DLEC1: variants seen among roughly 807,000 people sequenced by gnomAD.
DLEC1 encodes deleted in lung and esophageal cancer protein 1.
A neutral mutation model predicts 198.1 loss-of-function variants in DLEC1; 146 were observed. That is an observed-to-expected ratio of 0.74 (90% confidence interval 0.64 to 0.85). DLEC1 has a LOEUF of 0.85. Among genes scored for constraint, DLEC1 ranks in the 40% least tolerant of loss-of-function variants. The pLI is 0.00. For missense variants in DLEC1, 2,233 were observed against 2,220.0 expected, an observed-to-expected ratio of 1.01 and a Z score of -0.12; for synonymous variants, 897 against 866.8, an observed-to-expected ratio of 1.03 and a Z score of -0.61.
chr3:38,112,142 C>T lies in DLEC1; in HGVS notation c.3515-68C>T. ...TATCGGGGACAGTGCTTTGCTCACA[C>T]ACGAGGGTTTGGACCTCACTCCCAA... On this transcript the variant is annotated intron_variant, in intron 24 of 36. Coordinates refer to ENST00000308059, the MANE Select transcript of DLEC1 (RefSeq NM_007335.4). The surrounding 1 kb of genome is among the most constrained non-coding windows in gnomAD (Gnocchi z 4.8). The T allele has an allele frequency of 3.7e-6, 6 of 1,601,662 alleles. No individual in the cohort carries two copies. In the South Asian group the frequency reaches 6.7e-5, roughly 18 times the overall value.
At chr3:38,059,128 C>T (rs562644314) in intron 2 of DLEC1, among the ~76,000 whole-genome samples, 12 of 152,140 alleles carry the variant, frequency 7.9e-5, no homozygotes, top group South Asian at 2.1e-4. Flanking sequence ...GGGAATTGGC[C>T]GAGCTGGCTG....
intron 6 of DLEC1, among the ~76,000 whole-genome samples, chr3:38,075,186 G>A (rs550976058): frequency 3.0e-4 from 46 of 152,184 alleles, no homozygotes; most frequent in South Asian, 2.9e-3. Context: ...GGGGGCAGGC[G>A]GGAAGGAAAG....
intron 2 of DLEC1, among the ~76,000 whole-genome samples, chr3:38,057,173 G>A (rs1014638694): frequency 2.0e-5 from 3 of 152,248 alleles, no homozygotes; most frequent in Non-Finnish European, 4.4e-5. Flanking sequence ...ATGCTAAAAA[G>A]CAGTAAGAAT....
At chr3:38,071,451 G>A (rs1364131467) in intron 6 of DLEC1, among the ~76,000 whole-genome samples, 2 of 152,196 alleles carry the variant, frequency 1.3e-5, no homozygotes, top group African/African-American at 2.4e-5. Flanking sequence ...ATGAAATGAC[G>A]ACAGAATAGA....
At chr3:38,093,393 T>C (rs1698840483) in intron 11 of DLEC1, among the ~76,000 whole-genome samples, 1 of 152,030 alleles carries the variant, frequency 6.6e-6, no homozygotes, top group Admixed American at 6.5e-5. Context: ...GTCTGCTATA[T>C]GCTAGGTTCT....
intron 1 of DLEC1, among the ~76,000 whole-genome samples, chr3:38,043,688 TAC>T (rs1391496277): frequency 6.6e-6 from 1 of 152,170 alleles, no homozygotes; most frequent in Non-Finnish European, 1.5e-5. Flanking sequence ...AAATGGTAAT[TAC>T]ACAATAAATC....
chr3:38,115,872 G>C (rs543969072), intron 27 of DLEC1, among the ~76,000 whole-genome samples: 36 of 152,170 alleles, frequency 2.4e-4, no homozygotes, highest in Middle Eastern at 6.8e-3. Context: ...CCCAGCTTAG[G>C]TTGGGGACAG....
chr3:38,099,638 G>A (rs1019088989), intron 18 of DLEC1, among the ~76,000 whole-genome samples: 2 of 152,184 alleles, frequency 1.3e-5, no homozygotes, highest in Non-Finnish European at 2.9e-5. Context: ...ACAGGGACAA[G>A]TGTCCTCTCT....
Position 38,097,619 on chromosome 3 carries a change from C to A in DLEC1, c.2547C>A (p.His849Gln). The A allele has an allele frequency of 1.2e-6, 2 of 1,614,216 alleles. No individual in the cohort carries two copies. The highest frequency in any genetic ancestry group is 1.7e-6 in the Non-Finnish European group (2 of 1,180,038). Residue 849 changes from histidine (H) to glutamine (Q), a missense_variant, in exon 17 of 37, where the codon CAC (histidine) becomes CAA (glutamine). Coordinates refer to ENST00000308059, the MANE Select transcript of DLEC1 (RefSeq NM_007335.4). ...IEDSPSPVVL[H>Q]IEAVFKGPAL... ...ACTCGCCCTCGCCAGTGGTGTTACA[C>A]ATTGAGGCTGTCTTTAAGGTGCTGC... is the stretch of plus-strand genomic sequence containing the variant.
Position 38,116,628 on chromosome 3 carries a change from A to T in DLEC1, c.4032A>T (p.Ser1344=), listed in dbSNP as rs773175056. Residue 1344 remains serine, a synonymous_variant, in exon 28 of 37, where the codon TCA becomes TCT. Coordinates refer to ENST00000308059, the MANE Select transcript of DLEC1 (RefSeq NM_007335.4). The part of the protein sequence containing the change: ...CLLWSPGPSS[S]SEFSHETDSS... Reference sequence around the variant, plus strand: ...TCTGGTCCCCAGGCCCCTCCAGTTCATCGGAATTCAGCCATGAAACTGACT... The same window carrying T: ...TCTGGTCCCCAGGCCCCTCCAGTTCTTCGGAATTCAGCCATGAAACTGACT... 6.2e-7 allele frequency: 1 copy of T among 1,613,940 alleles called. No individual in the cohort carries two copies. Among genetic ancestry groups the T allele is most frequent in the African/African-American group, 1.3e-5 (1 of 74,886 alleles).
In DLEC1 at chr3:38,039,416, GC is replaced by G. The variant is rs755511481; in HGVS notation, c.193del (p.Arg65AlafsTer49). 2.5e-6 allele frequency: 4 copies of G among 1,613,798 alleles called. No individual in the cohort carries two copies. The South Asian group carries it at 4.4e-5, about 18-fold the overall frequency. ...AFHYSFAARP[R>X]RLTQLALAQR... ...CACTACAGCTTCGCAGCCCGGCCCC[GC>G]CGCCTCACGCAGCTTGCGCTGGCGC... On this transcript the variant is annotated frameshift_variant, in exon 1 of 37. Transcript: ENST00000308059. LOFTEE classifies it high-confidence loss of function.
chr3:38,076,332 T>C (rs1466979053), intron 6 of DLEC1, among the ~76,000 whole-genome samples: 1 of 152,178 alleles, frequency 6.6e-6, no homozygotes, highest in African/African-American at 2.4e-5. Flanking sequence ...AGGCTTTGTG[T>C]GAGCAATAAA....
Position 38,063,875 on chromosome 3 carries a change from C to T in DLEC1, c.1129C>T (p.Pro377Ser). The T allele has an allele frequency of 1.2e-6, 2 of 1,613,556 alleles. No individual in the cohort carries two copies. Among genetic ancestry groups the T allele is most frequent in the Non-Finnish European group, 1.7e-6 (2 of 1,179,690 alleles). ...ADTPVFLAKP[P>S]IGFFTDYEIG... ...TACTCCAGTGTTTCTAGCTAAGCCA[C>T]CAATTGGGTTTTTCACAGATTATGA... is the stretch of plus-strand genomic sequence containing the variant. Residue 377 changes from proline (P) to serine (S), a missense_variant, in exon 6 of 37, where the codon CCA (proline) becomes TCA (serine). Pro to Ser is a moderately conservative substitution (Grantham distance 74). Transcript: ENST00000308059.
intron 15 of DLEC1, 84 bp downstream of exon 15, chr3:38,096,821 G>A (rs1415639930): frequency 4.1e-6 from 6 of 1,446,902 alleles, no homozygotes; most frequent in Non-Finnish European, 5.6e-6. Flanking sequence ...AGCAGGAGGG[G>A]CAGATGGTAG....
In DLEC1 at chr3:38,097,505, A is replaced by G. The variant is rs762120067; in HGVS notation, c.2435-2A>G. On this transcript the variant is annotated splice_acceptor_variant, in intron 16 of 36. Coordinates refer to ENST00000308059, the MANE Select transcript of DLEC1 (RefSeq NM_007335.4). LOFTEE classifies it high-confidence loss of function. ...CACCTCTCCCTTTCCCTCTCTTCTCAGAGCCCAGTGAGGTCGGGGATTTTG... is the reference window on the plus strand; with the variant it reads ...CACCTCTCCCTTTCCCTCTCTTCTCGGAGCCCAGTGAGGTCGGGGATTTTG... The G allele has an allele frequency of 3.5e-5, 57 of 1,613,984 alleles. No individual in the cohort carries two copies. Among genetic ancestry groups the G allele is most frequent in the Non-Finnish European group, 3.6e-5 (43 of 1,179,994 alleles).
intron 11 of DLEC1, among the ~76,000 whole-genome samples, 158 bp from the exon 12 acceptor site, chr3:38,093,447 C>T (rs1181554051): frequency 6.6e-6 from 1 of 152,126 alleles, no homozygotes; most frequent in African/African-American, 2.4e-5. Context: ...AGAACATTAA[C>T]CTGTGGGCGG....
intron 6 of DLEC1, among the ~76,000 whole-genome samples, chr3:38,075,383 T>C (rs937112128): frequency 6.6e-5 from 10 of 152,136 alleles, no homozygotes; most frequent in Non-Finnish European, 7.3e-5. Flanking sequence ...CAAGTTTGTA[T>C]TGGGGCCAAG....
chr3:38,090,895 G>T (rs1318906916), intron 10 of DLEC1, among the ~76,000 whole-genome samples: 1 of 151,880 alleles, frequency 6.6e-6, no homozygotes, highest in Non-Finnish European at 1.5e-5. Context: ...ATCAACCCTT[G>T]GCCAATCTTA....
At chr3:38,093,353 C>G (rs1010298858) in intron 11 of DLEC1, among the ~76,000 whole-genome samples, 1 of 151,918 alleles carries the variant, frequency 6.6e-6, no homozygotes, top group Non-Finnish European at 1.5e-5. Flanking sequence ...CCTTTTCTCC[C>G]TTCTTCTCTC....
Sources: allele counts gnomAD v4.1 joint callset (sites outside exome capture counted in the v4.1 genomes callset), GRCh38; gene constraint gnomAD v4.1.1; non-coding constraint Gnocchi (gnomAD v3.1); transcripts MANE v1.5; gene names NCBI Gene and HGNC (gene_info 2026-07-23, HGNC 2026-07-21).